The following SEMA6A variants were observed in gnomAD, a reference collection of about 807,000 sequenced individuals.
SEMA6A encodes semaphorin-6A.
In SEMA6A, 25 loss-of-function variants were observed where a neutral mutation model predicts 96.8. The ratio of observed to expected loss-of-function variants is 0.26; its 90% confidence interval spans 0.19 to 0.36. The LOEUF is 0.36. Among genes scored for constraint, SEMA6A ranks in the 10% least tolerant of loss-of-function variants. The pLI, the probability that SEMA6A is intolerant of heterozygous loss-of-function variation, is 1.00. For missense variants in SEMA6A, 1,363 were observed against 1,323.1 expected, an observed-to-expected ratio of 1.03 and a Z score of -0.47; for synonymous variants, 612 against 518.0, an observed-to-expected ratio of 1.18 and a Z score of -2.46.
intron 18 of SEMA6A, chr5:116,449,974 T>A (rs1168490615): frequency 1.3e-5 from 2 of 152,188 alleles, no homozygotes; most frequent in Non-Finnish European, 2.9e-5. Flanking sequence ...AACAGTGGGG[T>A]GTCCTGCATT....
At chr5:116,536,281 G>A (rs1187483910) in intron 1 of SEMA6A, 1 of 151,844 alleles carries the variant, frequency 6.6e-6, no homozygotes, top group Non-Finnish European at 1.5e-5. Flanking sequence ...GAAGAACTGA[G>A]TCCATTGTTT....
chr5:116,540,155 T>TA (rs1759895614), intron 1 of SEMA6A, among the ~76,000 whole-genome samples: 1 of 152,236 alleles, frequency 6.6e-6, no homozygotes, highest in African/African-American at 2.4e-5. Flanking sequence ...AAAAATGTGA[T>TA]AGGATTCAAA....
chr5:116,456,115 A>G (rs1273529377), intron 18 of SEMA6A, among the ~76,000 whole-genome samples: 1 of 152,236 alleles, frequency 6.6e-6, no homozygotes, highest in Non-Finnish European at 1.5e-5. Context: ...GTGTAAAAAT[A>G]AGGATTTACA....
chr5:116,486,408 G>C (rs78757551), intron 10 of SEMA6A, among the ~76,000 whole-genome samples: 1 of 152,016 alleles, frequency 6.6e-6, no homozygotes, highest in African/African-American at 2.4e-5. Context: ...ATAATATGTC[G>C]AGCTCACTTT....
intron 9 of SEMA6A, among the ~76,000 whole-genome samples, chr5:116,487,680 A>G (rs1450783498): frequency 6.6e-6 from 1 of 152,210 alleles, no homozygotes; most frequent in Admixed American, 6.5e-5. Context: ...CCCTGCCAAC[A>G]TGGCGAAACC....
At chr5:116,464,237 T>C (rs915495866) in intron 18 of SEMA6A, among the ~76,000 whole-genome samples, 22 of 152,134 alleles carry the variant, frequency 1.4e-4, no homozygotes, top group Admixed American at 6.6e-5. Context: ...AAGACAGAAG[T>C]AGTCAGGGCT....
rs745728767 is a variant in SEMA6A at position 116,446,720 on chromosome 5, T to A, written c.2986A>T (p.Thr996Ser). ...QPSLNAYNSL[T>S]RSGLKRTPSL... ...GGCGTACGCTTCAGCCCCGACCTTG[T>A]CAGTGAGTTGTAGGCGTTGAGGCTG... is the stretch of plus-strand genomic sequence containing the variant. Residue 996 changes from threonine (T) to serine (S), a missense_variant, in exon 19 of 19, where the codon ACA (threonine) becomes TCA (serine). Transcript: ENST00000343348. 1.9e-5 allele frequency: 30 copies of A among 1,600,102 alleles called. No homozygotes were observed. The African/African-American group carries it at 3.6e-4, about 19-fold the overall frequency.
At chr5:116,447,862 C>A in intron 18 of SEMA6A, 51 bp from the exon 19 acceptor site, 1 of 1,415,622 alleles carries the variant, frequency 7.1e-7, no homozygotes, top group Non-Finnish European at 9.5e-7. Flanking sequence ...CACCCCGAGG[C>A]TTGTTTTTGC....
chr5:116,538,596 T>C (rs543361585), intron 1 of SEMA6A, among the ~76,000 whole-genome samples: 1 of 152,338 alleles, frequency 6.6e-6, no homozygotes, highest in African/African-American at 2.4e-5. Context: ...AGATGTGTTT[T>C]TGCCTTCAAC....
intron 7 of SEMA6A, 37 bp from the exon 8 acceptor site, chr5:116,489,044 G>T (rs764491934): frequency 6.5e-7 from 1 of 1,538,462 alleles, no homozygotes; most frequent in Middle Eastern, 1.8e-4. Context: ...CAGGGTGGGA[G>T]CAAGTCAGTG....
At chr5:116,538,259 T>C (rs1016650439) in intron 1 of SEMA6A, among the ~76,000 whole-genome samples, 5 of 152,236 alleles carry the variant, frequency 3.3e-5, no homozygotes, top group African/African-American at 1.2e-4. Flanking sequence ...ATTATGCCTC[T>C]GATCCATCTG....
At chr5:116,464,645 A>G (rs1755618852) in intron 18 of SEMA6A, among the ~76,000 whole-genome samples, 1 of 152,184 alleles carries the variant, frequency 6.6e-6, no homozygotes, top group Admixed American at 6.5e-5. Flanking sequence ...GGGGGAGGCT[A>G]AGAACAATGG....
rs184350554 is a variant in SEMA6A at position 116,443,808 on chromosome 5, G to A, written c.*2805C>T. The A allele has an allele frequency of 1.5e-3, 233 of 152,652 alleles. 1 individual carries two copies. The highest frequency in any genetic ancestry group is 0.014 in the South Asian group (68 of 4,824). 9.5% of individuals were successfully genotyped at this position (152,652 alleles called of 1,614,324 possible). On this transcript the variant is annotated 3_prime_UTR_variant, in exon 19 of 19. Coordinates refer to ENST00000343348, the MANE Select transcript of SEMA6A (RefSeq NM_020796.5). The stretch of plus-strand genomic sequence containing the variant: ...AAGGGTGGAAAGCAAAGGCACACTC[G>A]GGTTTATGGACCCTCCCCCCACACA...
chr5:116,518,464 T>C (rs1305557655), intron 1 of SEMA6A, among the ~76,000 whole-genome samples: 1 of 152,202 alleles, frequency 6.6e-6, no homozygotes, highest in African/African-American at 2.4e-5. Context: ...CAGCAATCAC[T>C]TTAATTACCA....
chr5:116,482,778 A>C (rs1756851972), intron 10 of SEMA6A, among the ~76,000 whole-genome samples: 1 of 152,198 alleles, frequency 6.6e-6, no homozygotes, highest in Non-Finnish European at 1.5e-5. Flanking sequence ...AGAATGGGGT[A>C]GTTATAGGAA....
chr5:116,468,783 A>G (rs1015221570), intron 17 of SEMA6A: 1 of 152,182 alleles, frequency 6.6e-6, no homozygotes, highest in African/African-American at 2.4e-5. Context: ...ACAATTTTTA[A>G]AAGATACAAG....
intron 7 of SEMA6A, among the ~76,000 whole-genome samples, chr5:116,489,660 T>G (rs911310894): frequency 6.6e-6 from 1 of 152,216 alleles, no homozygotes; most frequent in African/African-American, 2.4e-5. Context: ...AAACACAGCT[T>G]GGCTAAAGCC....
chr5:116,533,689 T>C (rs1759588178), intron 1 of SEMA6A, among the ~76,000 whole-genome samples: 2 of 152,216 alleles, frequency 1.3e-5, no homozygotes, highest in Non-Finnish European at 2.9e-5. Context: ...CACCTCTCAG[T>C]ATCCTGAGGT....
At chr5:116,561,364 C>T (rs1017234396) in intron 1 of SEMA6A, among the ~76,000 whole-genome samples, 9 of 152,190 alleles carry the variant, frequency 5.9e-5, no homozygotes, top group Non-Finnish European at 2.9e-5. Flanking sequence ...CTGGGCAAAA[C>T]AGCCCTATCT....
Sources: gnomAD v4.1 joint callset for allele counts (sites outside exome capture counted in the v4.1 genomes callset) on GRCh38, gnomAD v4.1.1 for gene constraint, MANE v1.5 for transcripts, NCBI Gene and HGNC (gene_info 2026-07-23, HGNC 2026-07-21) for gene names.